The following RAD18 variants were observed in gnomAD, a reference collection of about 807,000 sequenced individuals.
RAD18 encodes the protein RAD18 E3 ubiquitin protein ligase.
In RAD18, 47 loss-of-function variants were observed where a neutral mutation model predicts 60.4. The ratio of observed to expected loss-of-function variants is 0.78; its 90% confidence interval spans 0.62 to 0.99. RAD18 has a LOEUF of 0.99. Ranked by LOEUF, RAD18 falls within the 50% of genes least tolerant of loss-of-function variation. RAD18 has a pLI of 0.00. For synonymous variants in RAD18, 225 were observed against 195.5 expected (o/e 1.15, Z -1.26); for missense variants, 640 against 593.3 (o/e 1.08, Z -0.82).
intron 2 of RAD18, among the ~76,000 whole-genome samples, chr3:8,951,545 G>C (rs1940924647): frequency 6.6e-6 from 1 of 152,208 alleles, no homozygotes; most frequent in African/African-American, 2.4e-5. Flanking sequence ...TCTACGTAAA[G>C]AAAGGAAGAG....
At chr3:8,888,453 T>C (rs868570627) in intron 12 of RAD18, among the ~76,000 whole-genome samples, 2 of 152,254 alleles carry the variant, frequency 1.3e-5, no homozygotes, top group Admixed American at 1.3e-4. Context: ...TGATATGGTA[T>C]GTTCTAAGAC....
rs745719985 is a variant in RAD18 at position 8,939,450 on chromosome 3, G to A, written c.704+104C>T. ...GTAAAGAAGAAAGCAAGTAAGAGCA[G>A]GAAATACGGTCACCAGGATAAAAGG... On this transcript the variant is annotated intron_variant, in intron 6 of 12. Coordinates refer to ENST00000264926, the MANE Select transcript of RAD18 (RefSeq NM_020165.4). The A allele has an allele frequency of 2.0e-5, 18 of 918,516 alleles. No individual in the cohort carries two copies. In the Admixed American group the frequency reaches 3.2e-4, roughly 16 times the overall value. 56.9% of individuals were successfully genotyped at this position (918,516 alleles called of 1,614,324 possible).
intron 7 of RAD18, among the ~76,000 whole-genome samples, chr3:8,922,895 C>G (rs1328863547): frequency 6.6e-6 from 1 of 152,158 alleles, no homozygotes; most frequent in Non-Finnish European, 1.5e-5. Flanking sequence ...GAAAGGTCAT[C>G]CACACCAAAA....
intron 9 of RAD18, among the ~76,000 whole-genome samples, chr3:8,906,789 A>T (rs1940009490): frequency 1.2e-5 from 1 of 82,660 alleles, no homozygotes; most frequent in Non-Finnish European, 2.7e-5. Context: ...GGAGAGGGGG[A>T]AACAGTTTTT....
chr3:8,890,063 C>CTAGGTAAGAACA (rs1939657908), intron 12 of RAD18: 1 of 321,122 alleles, frequency 3.1e-6, no homozygotes, highest in Admixed American at 4.1e-5. Context: ...GGTAAGTATA[C>CTAGGTAAGAACA]TCTGATGTTC....
At position 8,902,370 on chromosome 3, in the gene RAD18, A is replaced by G. The variant is rs375997065; in HGVS notation, c.1168+10T>C. 2 of 1,519,688 alleles carry G rather than the reference A, an allele frequency of 1.3e-6. No homozygotes were observed. The highest frequency in any genetic ancestry group is 1.4e-5 in the African/African-American group (1 of 69,702). 94.1% of individuals were successfully genotyped at this position (1,519,688 alleles called of 1,614,324 possible). On this transcript the variant is annotated intron_variant, in intron 10 of 12. Transcript: ENST00000264926. ...TCGACATATGTCTGTTTTTAATTATAGTCTCTTACCCATGCATACAGAAGA... is the reference window on the plus strand; with the variant it reads ...TCGACATATGTCTGTTTTTAATTATGGTCTCTTACCCATGCATACAGAAGA...
rs1939440422 is a variant in RAD18 at position 8,880,586 on chromosome 3, A to G, written c.*771T>C. The G allele has an allele frequency of 1.3e-5, 2 of 152,234 alleles. No individual in the cohort carries two copies. The highest frequency in any genetic ancestry group is 1.3e-4 in the Admixed American group (2 of 15,276). 9.4% of individuals were successfully genotyped at this position (152,234 alleles called of 1,614,324 possible). ...AACTGATACTCTCTATTCATTTACA[A>G]AATTCATTCATTGCATACTTTTTGT... is the stretch of plus-strand genomic sequence containing the variant. On this transcript the variant is annotated 3_prime_UTR_variant, in exon 13 of 13. Transcript: ENST00000264926.
chr3:8,962,781 C>A (rs1302492094), intron 1 of RAD18, among the ~76,000 whole-genome samples: 1 of 152,180 alleles, frequency 6.6e-6, no homozygotes. Context: ...GTCCTGATCT[C>A]TGTTTAAGAG....
intron 2 of RAD18, among the ~76,000 whole-genome samples, chr3:8,954,786 G>T (rs1234666780): frequency 6.6e-6 from 1 of 152,180 alleles, no homozygotes; most frequent in Non-Finnish European, 1.5e-5. Flanking sequence ...GTCAATCCAA[G>T]ATGATACCAG....
intron 2 of RAD18, among the ~76,000 whole-genome samples, chr3:8,955,583 A>G (rs9814755): frequency 0.074 from 11,214 of 152,212 alleles, 815 homozygotes; most frequent in African/African-American, 0.19. Context: ...GTCTCACTCA[A>G]CTTGGGGTGC....
At chr3:8,907,958 C>T (rs1162558430) in intron 9 of RAD18, among the ~76,000 whole-genome samples, 1 of 152,116 alleles carries the variant, frequency 6.6e-6, no homozygotes, top group South Asian at 2.1e-4. Flanking sequence ...GCCAGCAGTG[C>T]GCTGAGTGAA....
intron 7 of RAD18, among the ~76,000 whole-genome samples, chr3:8,923,103 A>G (rs1316090596): frequency 6.6e-6 from 1 of 152,200 alleles, no homozygotes; most frequent in African/African-American, 2.4e-5. Context: ...GCTTCAGATG[A>G]TCAAACTTCC....
chr3:8,931,393 T>G (rs1178912648), intron 7 of RAD18: 3 of 152,220 alleles, frequency 2.0e-5, no homozygotes, highest in Non-Finnish European at 4.4e-5. Flanking sequence ...GACTGTGCAT[T>G]AAAAGTCTTA....
At chr3:8,922,210 G>C (rs929096176) in intron 7 of RAD18, among the ~76,000 whole-genome samples, 6 of 152,220 alleles carry the variant, frequency 3.9e-5, no homozygotes, top group African/African-American at 1.4e-4. Flanking sequence ...ATGACAGATG[G>C]CACCTGGAAA....
At chr3:8,921,005 C>G (rs1216204715) in intron 7 of RAD18, among the ~76,000 whole-genome samples, 1 of 152,118 alleles carries the variant, frequency 6.6e-6, no homozygotes, top group African/African-American at 2.4e-5. Context: ...AAAAGAGAAT[C>G]TTTTTTTCTT....
At chr3:8,939,841 G>C (rs1406765757) in intron 5 of RAD18, among the ~76,000 whole-genome samples, 188 bp from the exon 6 acceptor site, 1 of 152,190 alleles carries the variant, frequency 6.6e-6, no homozygotes, top group East Asian at 1.9e-4. Flanking sequence ...ACTGGGTAAT[G>C]GCTAAATTGT....
At chr3:8,936,705 T>G (rs1263566733) in intron 6 of RAD18, among the ~76,000 whole-genome samples, 1 of 152,200 alleles carries the variant, frequency 6.6e-6, no homozygotes, top group Non-Finnish European at 1.5e-5. Context: ...AAACAAGTTT[T>G]TACAAAGGAT....
chr3:8,918,136 G>C (rs1940241860), intron 7 of RAD18, among the ~76,000 whole-genome samples: 1 of 151,996 alleles, frequency 6.6e-6, no homozygotes, highest in South Asian at 2.1e-4. Context: ...TGACCAACAT[G>C]GTGAAATCCC....
intron 9 of RAD18, among the ~76,000 whole-genome samples, chr3:8,903,467 G>A (rs1015702611): frequency 6.6e-6 from 1 of 152,060 alleles, no homozygotes; most frequent in African/African-American, 2.4e-5. Context: ...TTTCCCAGTA[G>A]AGCCCCTTTA....
Sources: allele counts gnomAD v4.1 joint callset (sites outside exome capture counted in the v4.1 genomes callset), GRCh38; gene constraint gnomAD v4.1.1; transcripts MANE v1.5; gene names NCBI Gene and HGNC (gene_info 2026-07-23, HGNC 2026-07-21).